Variants in CDH9 observed in about 807,000 individuals in gnomAD.
CDH9 encodes cadherin-9.
Under a neutral mutation model 70.9 loss-of-function variants are expected in CDH9, and 28 were observed. That is an observed-to-expected ratio of 0.40 (90% CI 0.29 to 0.54). The LOEUF (loss-of-function observed/expected upper bound fraction) is 0.54, where lower values mean the gene tolerates loss of function less well. Among genes scored for constraint, CDH9 ranks in the 20% least tolerant of loss-of-function variants. CDH9 has a pLI of 0.59. For synonymous variants in CDH9, 409 were observed against 343.1 expected (o/e 1.19, Z -2.12); for missense variants, 874 against 984.4 (o/e 0.89, Z 1.50).
intron 1 of CDH9, among the ~76,000 whole-genome samples, chr5:27,018,340 A>G (rs141346095): frequency 7.2e-4 from 109 of 151,820 alleles, no homozygotes; most frequent in African/African-American, 2.6e-3. Flanking sequence ...AAAATTAAAT[A>G]TATATGTAAA....
At chr5:26,934,621 A>G (rs10069244) in intron 2 of CDH9, among the ~76,000 whole-genome samples, 136,009 of 152,144 alleles carry the variant, frequency 0.89, 61,568 homozygotes, top group East Asian at 0.99. Context: ...AGTCAAACAA[A>G]CTATATCCAA....
At chr5:26,934,376 G>T (rs1054272172) in intron 2 of CDH9, among the ~76,000 whole-genome samples, 1 of 152,062 alleles carries the variant, frequency 6.6e-6, no homozygotes, top group African/African-American at 2.4e-5. Context: ...GAGGTGGTAG[G>T]ATTGCTTGAG....
At chr5:26,959,808 C>T (rs921983128) in intron 2 of CDH9, among the ~76,000 whole-genome samples, 2 of 151,756 alleles carry the variant, frequency 1.3e-5, no homozygotes, top group African/African-American at 4.8e-5. Flanking sequence ...ACAAAATATC[C>T]AGAATAGGTA....
rs111651343 is a variant in CDH9 at position 26,909,053 on chromosome 5, G to T, written c.524-2215C>A. Among the ~76,000 whole-genome samples, 1,165 of 151,980 alleles carry T rather than the reference G, an allele frequency of 7.7e-3. 16 individuals carry two copies. Among genetic ancestry groups the T allele is most frequent in the African/African-American group, 0.027 (1,114 of 41,446 alleles). On this transcript the variant is annotated intron_variant, in intron 3 of 11. Coordinates refer to ENST00000231021, the MANE Select transcript of CDH9 (RefSeq NM_016279.4). ...GGCTGGAGTGCAGTGGCGCAATCTCGGCTCACTACAACCTCCGCCTCCCGG... is the reference window on the plus strand; with the variant it reads ...GGCTGGAGTGCAGTGGCGCAATCTCTGCTCACTACAACCTCCGCCTCCCGG...
intron 1 of CDH9, among the ~76,000 whole-genome samples, chr5:27,006,890 C>A (rs928752678): frequency 2.6e-5 from 4 of 151,966 alleles, no homozygotes; most frequent in African/African-American, 9.7e-5. Flanking sequence ...ACAGCAGACT[C>A]CTTGAGGAGT....
chr5:26,953,474 G>A (rs572978275), intron 2 of CDH9, among the ~76,000 whole-genome samples: 4 of 152,170 alleles, frequency 2.6e-5, no homozygotes, highest in Admixed American at 2.6e-4. Flanking sequence ...TCCCTAAGTC[G>A]TTTAACCAGT....
intron 1 of CDH9, among the ~76,000 whole-genome samples, chr5:27,031,081 G>T (rs1489759198): frequency 6.6e-6 from 1 of 151,436 alleles, no homozygotes; most frequent in Non-Finnish European, 1.5e-5. Context: ...GGTAATTAAA[G>T]ATCACTTTCA....
chr5:27,007,845 A>C (rs1742893081), intron 1 of CDH9, among the ~76,000 whole-genome samples: 1 of 152,272 alleles, frequency 6.6e-6, no homozygotes, highest in East Asian at 1.9e-4. Flanking sequence ...TACTGCTGTG[A>C]ATTGATACCC....
intron 2 of CDH9, among the ~76,000 whole-genome samples, chr5:26,956,559 A>T (rs1161133647): frequency 6.6e-6 from 1 of 152,110 alleles, no homozygotes; most frequent in Non-Finnish European, 1.5e-5. Context: ...TCTTCAACAT[A>T]TAGGCTATGG....
intron 2 of CDH9, among the ~76,000 whole-genome samples, chr5:26,916,717 T>C (rs1367238846): frequency 6.6e-6 from 1 of 151,914 alleles, no homozygotes; most frequent in African/African-American, 2.4e-5. Flanking sequence ...TGTAGAACAT[T>C]GATTGTAGAT....
intron 2 of CDH9, among the ~76,000 whole-genome samples, chr5:26,979,283 CTA>C: frequency 6.6e-6 from 1 of 151,400 alleles, no homozygotes; most frequent in Admixed American, 6.6e-5. Context: ...AAAATATACA[CTA>C]TTAATTCAAT....
At chr5:27,007,996 CTG>C (rs1272712019) in intron 1 of CDH9, among the ~76,000 whole-genome samples, 6 of 151,892 alleles carry the variant, frequency 4.0e-5, no homozygotes, top group African/African-American at 1.2e-4. Flanking sequence ...ATTTGGATAA[CTG>C]TGTAATTTTA....
chr5:27,008,685 C>T (rs1007998313), intron 1 of CDH9, among the ~76,000 whole-genome samples: 1 of 152,010 alleles, frequency 6.6e-6, no homozygotes, highest in African/African-American at 2.4e-5. Context: ...TGTAAACTTA[C>T]ATTTGCCATT....
intron 4 of CDH9, 78 bp from the exon 5 acceptor site, chr5:26,906,204 A>C: frequency 8.4e-7 from 1 of 1,189,774 alleles, no homozygotes; most frequent in Non-Finnish European, 1.2e-6. Context: ...CTCATTTTAC[A>C]AAAGTTGATT....
intron 2 of CDH9, among the ~76,000 whole-genome samples, chr5:26,985,588 AG>A (rs1742475668): frequency 6.6e-6 from 1 of 152,140 alleles, no homozygotes; most frequent in African/African-American, 2.4e-5. Context: ...GCAATTTTAC[AG>A]CACCTGTAAA....
At chr5:26,946,678 C>A (rs10520930) in intron 2 of CDH9, among the ~76,000 whole-genome samples, 19,061 of 152,114 alleles carry the variant, frequency 0.13, 3,995 homozygotes, top group African/African-American at 0.44. Context: ...AGCAGTTATT[C>A]TCATCGCTGG....
intron 1 of CDH9, among the ~76,000 whole-genome samples, chr5:27,010,963 A>G (rs914199631): frequency 6.6e-5 from 10 of 152,134 alleles, no homozygotes; most frequent in Admixed American, 6.6e-4. Context: ...TTCCATCACC[A>G]TGTTCCCATA....
rs767184908 is a variant in CDH9 at position 26,906,844 on chromosome 5, T to C, written c.524-6A>G. ...TACTTGTATAACAGATGTACCTACATGAAACCCCCATCCCCAAACAGAGAC... is the reference window on the plus strand; with the variant it reads ...TACTTGTATAACAGATGTACCTACACGAAACCCCCATCCCCAAACAGAGAC... On this transcript the variant is annotated splice_region_variant and splice_polypyrimidine_tract_variant and intron_variant, in intron 3 of 11. Coordinates refer to ENST00000231021, the MANE Select transcript of CDH9 (RefSeq NM_016279.4). 2.3e-5 allele frequency: 36 copies of C among 1,598,820 alleles called. 2 individuals carry two copies. The South Asian group carries it at 3.9e-4, about 17-fold the overall frequency.
chr5:27,036,526 A>T (rs1194541803), intron 1 of CDH9, among the ~76,000 whole-genome samples: 2 of 151,968 alleles, frequency 1.3e-5, no homozygotes, highest in African/African-American at 4.8e-5. Flanking sequence ...TAAAACTATC[A>T]AATACTGTAA....
Sources: gnomAD v4.1 joint callset for allele counts (sites outside exome capture counted in the v4.1 genomes callset) on GRCh38, gnomAD v4.1.1 for gene constraint, MANE v1.5 for transcripts, NCBI Gene and HGNC (gene_info 2026-07-23, HGNC 2026-07-21) for gene names.